WNT7B: variants seen among roughly 807,000 people sequenced by gnomAD.
The protein encoded by WNT7B is protein Wnt-7b.
Under a neutral mutation model 38.2 loss-of-function variants are expected in WNT7B, and 19 were observed. The observed-to-expected ratio is 0.50, with a 90% CI of 0.35 to 0.73. The LOEUF (loss-of-function observed/expected upper bound fraction) is 0.73. Among genes scored for constraint, WNT7B ranks in the 30% least tolerant of loss-of-function variants. The pLI is 0.01. For missense variants in WNT7B, 423 were observed against 507.9 expected, an observed-to-expected ratio of 0.83 and a Z score of 1.61; for synonymous variants, 243 against 209.3, an observed-to-expected ratio of 1.16 and a Z score of -1.39.
intron 3 of WNT7B, chr22:45,925,687 G>C: frequency 5.1e-6 from 5 of 985,390 alleles, no homozygotes; most frequent in Non-Finnish European, 6.0e-6. Context: ...GCCTGGAAGT[G>C]TCCCTGGCCC....
At position 45,922,671 on chromosome 22, in the gene WNT7B, GA is replaced by G; in HGVS notation, c.*184del. 1.0e-6 allele frequency: 1 copy of G among 959,562 alleles called. No individual in the cohort carries two copies. The highest frequency in any genetic ancestry group is 2.7e-5 in the East Asian group (1 of 37,496). The allele number at this position is 959,562 out of a possible 1,614,324, so 59.4% of individuals were successfully genotyped here. On this transcript the variant is annotated 3_prime_UTR_variant, in exon 4 of 4. Coordinates refer to ENST00000339464, the MANE Select transcript of WNT7B (RefSeq NM_058238.3). ...AGGAGGTGATGGGAGGAGGTGGCAG[GA>G]AGGAGCCCCAGGGAGGCGGGCAGAG...
chr22:45,959,738 A>T (rs778832893), intron 1 of WNT7B, among the ~76,000 whole-genome samples: 2 of 152,012 alleles, frequency 1.3e-5, no homozygotes, highest in Non-Finnish European at 2.9e-5. Context: ...CCGGCTCCCA[A>T]CCTGGCACCC....
chr22:45,921,226 C>T lies in WNT7B; in HGVS notation c.*1630G>A, dbSNP rs958709185. The T allele has an allele frequency of 2.0e-5, 3 of 152,342 alleles. No homozygotes were observed. The highest frequency in any genetic ancestry group is 4.8e-5 in the African/African-American group (2 of 41,462). 9.4% of individuals were successfully genotyped at this position (152,342 alleles called of 1,614,324 possible). On this transcript the variant is annotated 3_prime_UTR_variant, in exon 4 of 4. Coordinates refer to ENST00000339464, the MANE Select transcript of WNT7B (RefSeq NM_058238.3). ...GTTCCTCCCTCTGTCACTCATGCTCCTCAGAGACAGGGGTGGGAGCATCCA... is the reference window on the plus strand; with the variant it reads ...GTTCCTCCCTCTGTCACTCATGCTCTTCAGAGACAGGGGTGGGAGCATCCA...
At chr22:45,942,859 GTGTGTGTGTGTGCGTGTGTGCATGTA>G (rs1931685353) in intron 2 of WNT7B, among the ~76,000 whole-genome samples, 2 of 151,396 alleles carry the variant, frequency 1.3e-5, no homozygotes, top group Admixed American at 6.6e-5. Flanking sequence ...TGGGTGCTGT[GTGTGTGTGTGTGCGTGTGTGCATGTA>G]TGTGCGTGTG....
At position 45,975,323 on chromosome 22, in the gene WNT7B, C is replaced by A. The variant is rs1274756862; in HGVS notation, c.71+1361G>T. ...ATGCAGGAAAAGAGCAGCCTGCCCA[C>A]TCCACCCCCCGCCCAGCAGGCTCAA... On this transcript the variant is annotated intron_variant, in intron 1 of 3. Coordinates refer to ENST00000339464, the MANE Select transcript of WNT7B (RefSeq NM_058238.3). This position sits in a 1 kb window ranked among gnomAD's most constrained non-coding sequence, Gnocchi z 6.6. 6.6e-6 allele frequency among the ~76,000 whole-genome samples: 1 copy of A among 152,138 alleles called. No homozygotes were observed. The highest frequency in any genetic ancestry group is 1.5e-5 in the Non-Finnish European group (1 of 68,020).
rs765726168 is a variant in WNT7B, at chr22:45,931,089, G to C, written c.570+9C>G. On this transcript the variant is annotated intron_variant, in intron 3 of 3. Transcript: ENST00000339464. ...GCTACGGCCCCCACCAGCCGCACCC[G>C]CACCCTACCTTCCTGCCGGCCTCAT... is the stretch of plus-strand genomic sequence containing the variant. 1.9e-6 allele frequency: 3 copies of C among 1,564,546 alleles called. No individual in the cohort carries two copies. In the East Asian group the frequency reaches 6.8e-5, roughly 35 times the overall value.
intron 2 of WNT7B, among the ~76,000 whole-genome samples, chr22:45,940,241 A>AC (rs1193825944): frequency 6.6e-6 from 1 of 151,462 alleles, no homozygotes; most frequent in Non-Finnish European, 1.5e-5. Context: ...ATGAACTAAG[A>AC]CCCCCCACTT....
intron 2 of WNT7B, among the ~76,000 whole-genome samples, chr22:45,941,723 A>C (rs1056152479): frequency 8.5e-5 from 13 of 152,058 alleles, no homozygotes; most frequent in African/African-American, 3.1e-4. Context: ...ATGTCCCAGC[A>C]TTGCCCAGCC....
chr22:45,970,059 T>G (rs1246075373), intron 1 of WNT7B, among the ~76,000 whole-genome samples: 1 of 152,144 alleles, frequency 6.6e-6, no homozygotes, highest in African/African-American at 2.4e-5. Context: ...CAGGCCCTAC[T>G]CCCATCTATG....
intron 3 of WNT7B, chr22:45,927,167 G>A (rs1174223018): frequency 2.0e-6 from 2 of 985,070 alleles, no homozygotes; most frequent in Admixed American, 6.1e-5. Context: ...CCTGCCCCAC[G>A]TAGCAGTGGG....
intron 2 of WNT7B, among the ~76,000 whole-genome samples, chr22:45,941,814 C>T (rs1254815644): frequency 3.3e-5 from 5 of 152,274 alleles, no homozygotes; most frequent in Admixed American, 3.3e-4. Flanking sequence ...CCTCGAGCCT[C>T]AGCTTCCCAT....
At chr22:45,944,318 C>T (rs555778625) in intron 2 of WNT7B, among the ~76,000 whole-genome samples, 1 of 152,334 alleles carries the variant, frequency 6.6e-6, no homozygotes, top group Non-Finnish European at 1.5e-5. Context: ...CCCACAGGGC[C>T]TCCATGCCAC....
intron 1 of WNT7B, among the ~76,000 whole-genome samples, chr22:45,962,596 C>T (rs968079864): frequency 2.0e-5 from 3 of 152,250 alleles, no homozygotes; most frequent in African/African-American, 7.2e-5. Flanking sequence ...TGCTGGGCTC[C>T]TGAGGAAGCC....
chr22:45,940,913 G>T (rs1459522700), intron 2 of WNT7B, among the ~76,000 whole-genome samples: 1 of 152,234 alleles, frequency 6.6e-6, no homozygotes, highest in African/African-American at 2.4e-5. Flanking sequence ...AGCATGAGTG[G>T]TTTGTCCCAG....
At chr22:45,941,460 G>A (rs1478304106) in intron 2 of WNT7B, among the ~76,000 whole-genome samples, 1 of 150,542 alleles carries the variant, frequency 6.6e-6, no homozygotes, top group Non-Finnish European at 1.5e-5. Context: ...GCAGTGAGCT[G>A]AGATCGCGTC....
At position 45,960,444 on chromosome 22, in the gene WNT7B, G is replaced by A. The variant is rs562204979; in HGVS notation, c.72-10298C>T. ...TGCCCAGCACCTGGCCAGGCCCTAC[G>A]CTCACCTTGGTCATGAGCCACCCCA... On this transcript the variant is annotated intron_variant, in intron 1 of 3. Transcript: ENST00000339464. Among the ~76,000 whole-genome samples the A allele has an allele frequency of 4.1e-5, 6 of 147,088 alleles. No individual in the cohort carries two copies. In the South Asian group the frequency reaches 9.1e-4, roughly 22 times the overall value.
intron 1 of WNT7B, among the ~76,000 whole-genome samples, chr22:45,968,129 C>A (rs1367372160): frequency 6.6e-6 from 1 of 152,176 alleles, no homozygotes; most frequent in East Asian, 1.9e-4. Context: ...CAGTATTGTT[C>A]CCTCTTCTAG....
At chr22:45,934,903 C>T (rs1052558812) in intron 2 of WNT7B, among the ~76,000 whole-genome samples, 2 of 152,226 alleles carry the variant, frequency 1.3e-5, no homozygotes, top group African/African-American at 2.4e-5. Context: ...TTAGGTCCGG[C>T]GAGAGTCGCT....
intron 2 of WNT7B, among the ~76,000 whole-genome samples, chr22:45,933,473 G>T (rs1170983976): frequency 6.6e-6 from 1 of 152,166 alleles, no homozygotes; most frequent in Non-Finnish European, 1.5e-5. Context: ...TGCATGAGGT[G>T]TGAAGTGGGG....
Sources: allele counts gnomAD v4.1 joint callset (sites outside exome capture counted in the v4.1 genomes callset), GRCh38; gene constraint gnomAD v4.1.1; non-coding constraint Gnocchi (gnomAD v3.1); transcripts MANE v1.5; gene names NCBI Gene and HGNC (gene_info 2026-07-23, HGNC 2026-07-21).